Variants in HSD17B12 observed in about 807,000 individuals in gnomAD.
The protein encoded by HSD17B12 is hydroxysteroid 17-beta dehydrogenase 12, also known as very-long-chain 3-oxoacyl-CoA reductase.
HSD17B12 carries 32 observed loss-of-function variants against 39.3 expected under a neutral mutation model. The observed-to-expected ratio is 0.81, with a 90% confidence interval of 0.61 to 1.09. HSD17B12 has a LOEUF of 1.09. Ranked by LOEUF, HSD17B12 falls within the 50% of genes least tolerant of loss-of-function variation. HSD17B12 has a pLI of 0.00. For synonymous variants in HSD17B12, 150 were observed against 146.7 expected (o/e 1.02, Z -0.16); for missense variants, 342 against 382.9 (o/e 0.89, Z 0.89).
chr11:43,630,019 C>T, the HSD17B12 span, among the ~76,000 whole-genome samples: 1 of 152,150 alleles, frequency 6.6e-6, no homozygotes, highest in Non-Finnish European at 1.5e-5. Flanking sequence ...GATTCTGCAT[C>T]AGGAGATCTT....
At chr11:43,788,709 A>AAAC (rs1299533486) in intron 3 of HSD17B12, among the ~76,000 whole-genome samples, 2 of 133,118 alleles carry the variant, frequency 1.5e-5, no homozygotes, top group Admixed American at 7.4e-5. Context: ...AAAAAAAAAA[A>AAAC]GAAGTGTGAT....
intron 3 of HSD17B12, among the ~76,000 whole-genome samples, chr11:43,766,052 C>T (rs1397872687): frequency 1.3e-5 from 2 of 152,170 alleles, no homozygotes; most frequent in East Asian, 1.9e-4. Context: ...GTCTCGATCT[C>T]CTGACCTTGT....
chr11:43,779,247 G>A (rs978330357), intron 3 of HSD17B12, among the ~76,000 whole-genome samples: 2 of 152,108 alleles, frequency 1.3e-5, no homozygotes, highest in African/African-American at 4.8e-5. Flanking sequence ...AATCTACCAA[G>A]TGGGCAATAA....
chr11:43,775,372 G>A (rs183841178), intron 3 of HSD17B12, among the ~76,000 whole-genome samples: 107 of 152,290 alleles, frequency 7.0e-4, no homozygotes, highest in African/African-American at 2.4e-3. Flanking sequence ...TCACATTGCT[G>A]ATGAGCGACA....
chr11:43,676,451 G>A (rs1336362479), upstream of HSD17B12, among the ~76,000 whole-genome samples: 2 of 152,094 alleles, frequency 1.3e-5, no homozygotes, highest in Non-Finnish European at 2.9e-5. Flanking sequence ...TATTAGAGAC[G>A]TAAAGAGAGC....
At chr11:43,654,667 T>G in the HSD17B12 span, among the ~76,000 whole-genome samples, 2 of 152,200 alleles carry the variant, frequency 1.3e-5, no homozygotes, top group African/African-American at 4.8e-5. Flanking sequence ...TTTCCCCATT[T>G]CTTGATTTTG....
At chr11:43,664,189 C>T in the HSD17B12 span, among the ~76,000 whole-genome samples, 1 of 152,130 alleles carries the variant, frequency 6.6e-6, no homozygotes, top group African/African-American at 2.4e-5. Flanking sequence ...AGGTTACAGG[C>T]TAAGTCATAA....
chr11:43,646,985 C>G, the HSD17B12 span, among the ~76,000 whole-genome samples: 1 of 152,156 alleles, frequency 6.6e-6, no homozygotes. Context: ...AGGGTTTGCA[C>G]AGTTTCAACG....
the HSD17B12 span, among the ~76,000 whole-genome samples, chr11:43,596,055 G>A: frequency 1.3e-5 from 2 of 152,222 alleles, no homozygotes; most frequent in South Asian, 4.1e-4. Context: ...GTTTTGTGTT[G>A]TTTTGATTTG....
intron 3 of HSD17B12, among the ~76,000 whole-genome samples, chr11:43,771,695 G>A (rs1950651962): frequency 6.6e-6 from 1 of 152,000 alleles, no homozygotes; most frequent in African/African-American, 2.4e-5. Context: ...TAGGACTCCT[G>A]ACCTCAAGTG....
rs368832445 is a variant in HSD17B12, at chr11:43,693,346, G to A, written c.160+12359G>A. 1.7e-4 allele frequency among the ~76,000 whole-genome samples: 26 copies of A among 152,298 alleles called. No homozygotes were observed. The East Asian group carries it at 4.4e-3, about 26-fold the overall frequency. On this transcript the variant is annotated intron_variant, in intron 1 of 10. Transcript: ENST00000278353. ...AGTGATGAGGATGCTGGCAGAACTG[G>A]ACATCATCACACATTCCTGAAACTG...
intron 1 of HSD17B12, among the ~76,000 whole-genome samples, chr11:43,743,905 A>G (rs1298987952): frequency 1.3e-5 from 2 of 152,236 alleles, no homozygotes; most frequent in East Asian, 1.9e-4. Flanking sequence ...TAAACAAACT[A>G]TAATTAATAT....
Position 43,831,889 on chromosome 11 carries a change from GTA to G in HSD17B12, c.536+884_536+885del, listed in dbSNP as rs1951314597. The stretch of plus-strand genomic sequence containing the variant: ...AGGGATTACAGCTTATGTTTATTGA[GTA>G]TATAGTAAGTGCCAGGAACTTAGTA... On this transcript the variant is annotated intron_variant, in intron 7 of 10. Transcript: ENST00000278353. This position sits in a 1 kb window ranked among gnomAD's most constrained non-coding sequence, Gnocchi z 4.1. 6.6e-6 allele frequency among the ~76,000 whole-genome samples: 1 copy of G among 152,146 alleles called. No individual in the cohort carries two copies. Among genetic ancestry groups the G allele is most frequent in the Non-Finnish European group, 1.5e-5 (1 of 68,034 alleles).
At chr11:43,652,813 G>T in the HSD17B12 span, among the ~76,000 whole-genome samples, 2 of 152,086 alleles carry the variant, frequency 1.3e-5, no homozygotes, top group African/African-American at 4.8e-5. Context: ...GTCCTCTTGG[G>T]TCTTCTATGG....
At chr11:43,618,599 T>C in the HSD17B12 span, among the ~76,000 whole-genome samples, 2 of 152,204 alleles carry the variant, frequency 1.3e-5, no homozygotes, top group Non-Finnish European at 2.9e-5. Flanking sequence ...AAAAATGTCC[T>C]ACTGAAGGGT....
chr11:43,716,427 A>G (rs762487232), intron 1 of HSD17B12, among the ~76,000 whole-genome samples: 20 of 152,188 alleles, frequency 1.3e-4, no homozygotes, highest in Non-Finnish European at 2.6e-4. Flanking sequence ...GTAAATAATG[A>G]TAAAATACTT....
chr11:43,701,273 T>A (rs548547162), intron 1 of HSD17B12, among the ~76,000 whole-genome samples: 36 of 152,166 alleles, frequency 2.4e-4, no homozygotes, highest in Non-Finnish European at 4.1e-4. Context: ...GATATTTTCT[T>A]CCATTCTGTG....
At chr11:43,811,993 T>A (rs1211030053) in intron 4 of HSD17B12, among the ~76,000 whole-genome samples, 1 of 152,202 alleles carries the variant, frequency 6.6e-6, no homozygotes, top group Non-Finnish European at 1.5e-5. Flanking sequence ...GTGCCTGGCT[T>A]ATCTCACTTA....
intron 3 of HSD17B12, among the ~76,000 whole-genome samples, chr11:43,797,533 A>G (rs902221016): frequency 1.3e-5 from 2 of 152,198 alleles, no homozygotes; most frequent in African/African-American, 4.8e-5. Flanking sequence ...TTTTGCAAAT[A>G]TATGTGGAAA....
Sources: gnomAD v4.1 joint callset for allele counts (sites outside exome capture counted in the v4.1 genomes callset) on GRCh38, gnomAD v4.1.1 for gene constraint, Gnocchi (gnomAD v3.1) non-coding constraint, MANE v1.5 for transcripts, NCBI Gene and HGNC (gene_info 2026-07-23, HGNC 2026-07-21) for gene names.